ARHGAP42: variants seen among roughly 807,000 people sequenced by gnomAD.
The protein encoded by ARHGAP42 is rho GTPase-activating protein 42.
Under a neutral mutation model 125.0 loss-of-function variants are expected in ARHGAP42, and 63 were observed. The observed-to-expected ratio is 0.50, with a 90% CI of 0.41 to 0.62. The LOEUF is 0.62. Ranked by LOEUF, ARHGAP42 falls within the 20% of genes least tolerant of loss-of-function variation. The pLI is 0.00. For synonymous variants in ARHGAP42, 339 were observed against 351.0 expected (o/e 0.97, Z 0.38); for missense variants, 766 against 1,024.2 (o/e 0.75, Z 3.44).
intron 1 of ARHGAP42, among the ~76,000 whole-genome samples, chr11:100,695,756 G>T (rs1295542219): frequency 1.3e-5 from 2 of 152,188 alleles, no homozygotes; most frequent in Admixed American, 1.3e-4. Flanking sequence ...TAAGGAATGT[G>T]AATTGTGGAA....
chr11:100,809,208 G>C (rs958652152), intron 3 of ARHGAP42, among the ~76,000 whole-genome samples: 1 of 152,056 alleles, frequency 6.6e-6, no homozygotes, highest in Non-Finnish European at 1.5e-5. Flanking sequence ...ATTGTTTCTA[G>C]ATAGGATTGT....
intron 3 of ARHGAP42, among the ~76,000 whole-genome samples, chr11:100,848,061 TTAAGA>T (rs1865111474): frequency 6.6e-6 from 1 of 152,162 alleles, no homozygotes; most frequent in Non-Finnish European, 1.5e-5. Context: ...CAAAAGGCTG[TTAAGA>T]TAACACCTAG....
chr11:100,953,686 A>G (rs1463498535), intron 12 of ARHGAP42, among the ~76,000 whole-genome samples: 1 of 152,224 alleles, frequency 6.6e-6, no homozygotes, highest in Non-Finnish European at 1.5e-5. Flanking sequence ...GATGCCATAA[A>G]TGAGACTTGA....
At chr11:100,764,357 A>T (rs560596500) in intron 1 of ARHGAP42, among the ~76,000 whole-genome samples, 1 of 152,230 alleles carries the variant, frequency 6.6e-6, no homozygotes, top group South Asian at 2.1e-4. Context: ...TTCTTTGGGG[A>T]TTAACTATGA....
intron 9 of ARHGAP42, 112 bp downstream of exon 9, chr11:100,941,996 A>G (rs1404348285): frequency 1.2e-6 from 1 of 822,200 alleles, no homozygotes; most frequent in Non-Finnish European, 1.9e-6. Flanking sequence ...ACATTTACAA[A>G]AAAATAGAAG....
At chr11:100,887,878 C>T (rs1329209177) in intron 4 of ARHGAP42, among the ~76,000 whole-genome samples, 2 of 152,174 alleles carry the variant, frequency 1.3e-5, no homozygotes, top group African/African-American at 4.8e-5. Context: ...AGGCAATTCT[C>T]ACAGGCAGTG....
chr11:100,863,472 C>T (rs931199377), intron 4 of ARHGAP42, among the ~76,000 whole-genome samples: 1 of 152,180 alleles, frequency 6.6e-6, no homozygotes, highest in African/African-American at 2.4e-5. Context: ...GGATAAGATC[C>T]ATGGACCACA....
At chr11:100,938,953 CACTTAT>C (rs374517277) in intron 8 of ARHGAP42, among the ~76,000 whole-genome samples, 2,082 of 152,214 alleles carry the variant, frequency 0.014, 47 homozygotes, top group African/African-American at 0.047. Flanking sequence ...ATGTAAGACA[CACTTAT>C]ACAATTAGCA....
chr11:100,936,735 A>G (rs1944433), intron 8 of ARHGAP42, among the ~76,000 whole-genome samples: 22,677 of 152,172 alleles, frequency 0.15, 1,945 homozygotes, highest in East Asian at 0.25. Flanking sequence ...GTTTTCAGGC[A>G]TATAATTGGT....
intron 13 of ARHGAP42, among the ~76,000 whole-genome samples, chr11:100,960,239 T>C (rs1249018038): frequency 6.6e-6 from 1 of 151,760 alleles, no homozygotes; most frequent in Non-Finnish European, 1.5e-5. Flanking sequence ...TTGATTTTTT[T>C]TTTTCCAAGC....
chr11:100,770,644 C>G (rs1862952204), intron 2 of ARHGAP42, among the ~76,000 whole-genome samples: 1 of 152,158 alleles, frequency 6.6e-6, no homozygotes, highest in African/African-American at 2.4e-5. Context: ...GTGGCGTAAT[C>G]TTGACTCACT....
At chr11:100,772,946 C>T (rs1424577758) in intron 2 of ARHGAP42, among the ~76,000 whole-genome samples, 4 of 152,212 alleles carry the variant, frequency 2.6e-5, no homozygotes, top group African/African-American at 4.8e-5. Context: ...GAGTGATTCT[C>T]ATGCCTCAGC....
At chr11:100,701,815 T>C (rs1303019205) in intron 1 of ARHGAP42, among the ~76,000 whole-genome samples, 1 of 152,244 alleles carries the variant, frequency 6.6e-6, no homozygotes, top group East Asian at 1.9e-4. Flanking sequence ...GTGTGTTCAC[T>C]GAAGTAGCAT....
rs1857937876 is a variant in ARHGAP42, at chr11:100,960,978, A to T, written c.1289A>T (p.Asn430Ile). The change falls in exon 14 of 24, where the codon AAT becomes ATT. Residue 430 changes from asparagine to isoleucine, a missense_variant. Transcript: ENST00000298815. ...AACTCCAAAGTTCAAAAACTCATGA[A>T]TACCACATTTTGTAAGTTTTGGATG... The part of the protein sequence containing the change: ...GVNSKVQKLM[N>I]TTFSPKSPPD... The T allele has an allele frequency of 1.9e-6, 3 of 1,538,860 alleles. No individual in the cohort carries two copies. The highest frequency in any genetic ancestry group is 2.6e-6 in the Non-Finnish European group (3 of 1,141,002).
At chr11:100,835,135 C>T (rs619043) in intron 3 of ARHGAP42, among the ~76,000 whole-genome samples, 10,735 of 151,944 alleles carry the variant, frequency 0.071, 536 homozygotes, top group East Asian at 0.26. Flanking sequence ...CTGGAAAGCC[C>T]CATCCTCAAG....
chr11:100,870,377 C>T (rs888319700), intron 4 of ARHGAP42, among the ~76,000 whole-genome samples: 1 of 152,268 alleles, frequency 6.6e-6, no homozygotes, highest in East Asian at 1.9e-4. Context: ...TTTAAGAGTT[C>T]GTGCTTTTAT....
At chr11:100,926,856 C>A (rs1867440211) in intron 6 of ARHGAP42, among the ~76,000 whole-genome samples, 1 of 152,118 alleles carries the variant, frequency 6.6e-6, no homozygotes, top group East Asian at 1.9e-4. Flanking sequence ...CCCTGTGTGG[C>A]TTTTTTAAAA....
At chr11:100,720,847 A>G (rs1416544210) in intron 1 of ARHGAP42, among the ~76,000 whole-genome samples, 1 of 152,200 alleles carries the variant, frequency 6.6e-6, no homozygotes, top group Non-Finnish European at 1.5e-5. Context: ...TCAAAAATGA[A>G]TATTAAAAAG....
At chr11:100,771,244 C>T (rs1862971000) in intron 2 of ARHGAP42, among the ~76,000 whole-genome samples, 1 of 152,138 alleles carries the variant, frequency 6.6e-6, no homozygotes, top group Non-Finnish European at 1.5e-5. Context: ...CTGGGGAAAC[C>T]ATGCTCCTTT....
Sources: gnomAD v4.1 joint callset for allele counts (sites outside exome capture counted in the v4.1 genomes callset) on GRCh38, gnomAD v4.1.1 for gene constraint, MANE v1.5 for transcripts, NCBI Gene and HGNC (gene_info 2026-07-23, HGNC 2026-07-21) for gene names.